SLC68A1: variants seen among roughly 807,000 people sequenced by gnomAD.
The protein encoded by SLC68A1 is solute carrier family 68 member 1, also known as major facilitator superfamily domain containing 13A.
the SLC68A1 span, among the ~76,000 whole-genome samples, chr10:102,469,434 C>CAT: frequency 2.0e-5 from 3 of 152,218 alleles, no homozygotes; most frequent in South Asian, 6.2e-4. Flanking sequence ...TCTGTGTACT[C>CAT]ATATATATAA....
At chr10:102,470,400 C>T in the SLC68A1 span, among the ~76,000 whole-genome samples, 1 of 152,186 alleles carries the variant, frequency 6.6e-6, no homozygotes, top group East Asian at 1.9e-4. Context: ...TCACCCCCAA[C>T]CTTGAGAAGT....
At chr10:102,470,982 C>T in the SLC68A1 span, 2 of 1,613,110 alleles carry the variant, frequency 1.2e-6, no homozygotes, top group Admixed American at 1.7e-5. Flanking sequence ...GAGGATTTCT[C>T]CTCCTTCCGC....
At chr10:102,471,431 G>A in the SLC68A1 span, 4 of 1,598,088 alleles carry the variant, frequency 2.5e-6, no homozygotes, top group South Asian at 1.1e-5. Context: ...TCTACAGCTG[G>A]GCTGGACTTC....
the SLC68A1 span, chr10:102,475,915 C>T: frequency 6.2e-7 from 1 of 1,613,776 alleles, no homozygotes. Flanking sequence ...ATGGGAGACG[C>T]CTGCACATGG....
chr10:102,473,833 C>G, the SLC68A1 span: 1 of 1,611,694 alleles, frequency 6.2e-7, no homozygotes, highest in Non-Finnish European at 8.5e-7. Context: ...CGCGTCTTCA[C>G]TGAGGGCACC....
chr10:102,467,953 G>A, the SLC68A1 span, among the ~76,000 whole-genome samples: 1 of 152,096 alleles, frequency 6.6e-6, no homozygotes, highest in Non-Finnish European at 1.5e-5. Flanking sequence ...CACGGCACCC[G>A]GCTGGGTCTC....
chr10:102,470,602 AG>A, the SLC68A1 span: 1 of 1,563,028 alleles, frequency 6.4e-7, no homozygotes, highest in South Asian at 1.2e-5. Flanking sequence ...GGCCTGGGCA[AG>A]GGGAACTTCA....
chr10:102,476,148 GA>G, the SLC68A1 span: 1 of 1,234,026 alleles, frequency 8.1e-7, no homozygotes. Context: ...TGGGCTCACT[GA>G]AACCACCACC....
At chr10:102,475,462 T>C in the SLC68A1 span, among the ~76,000 whole-genome samples, 13 of 151,656 alleles carry the variant, frequency 8.6e-5, no homozygotes, top group African/African-American at 2.9e-4. Context: ...AGATGAAGGA[T>C]TGGGTGTTGG....
the SLC68A1 span, chr10:102,476,847 C>G: frequency 2.3e-5 from 23 of 985,464 alleles, no homozygotes; most frequent in Non-Finnish European, 2.8e-5. Flanking sequence ...TCCCTTTTGC[C>G]CAGTCAGGGA....
the SLC68A1 span, among the ~76,000 whole-genome samples, chr10:102,472,495 C>T: frequency 2.6e-5 from 4 of 152,176 alleles, no homozygotes; most frequent in African/African-American, 9.7e-5. Flanking sequence ...AACTCCTGGC[C>T]TTAAGTGATC....
the SLC68A1 span, among the ~76,000 whole-genome samples, chr10:102,475,308 A>AAG: frequency 3.3e-5 from 5 of 151,448 alleles, no homozygotes; most frequent in Non-Finnish European, 7.4e-5. Context: ...CAAAAAAAAA[A>AAG]AAGTTCACTC....
chr10:102,471,684 G>A, the SLC68A1 span, among the ~76,000 whole-genome samples: 1 of 151,956 alleles, frequency 6.6e-6, no homozygotes, highest in South Asian at 2.1e-4. Flanking sequence ...ACTTGAACCC[G>A]GAAGGCGGAG....
chr10:102,470,955 A>C, the SLC68A1 span: 1 of 1,613,124 alleles, frequency 6.2e-7, no homozygotes, highest in South Asian at 1.1e-5. Context: ...TTTGCATCCT[A>C]TGCCTTTTGG....
the SLC68A1 span, chr10:102,473,484 G>A: frequency 2.5e-5 from 34 of 1,372,090 alleles, no homozygotes; most frequent in Non-Finnish European, 3.3e-5. Flanking sequence ...CTAGTGTACA[G>A]GAATGCAGTC....
At chr10:102,468,909 A>C in the SLC68A1 span, 1 of 763,792 alleles carries the variant, frequency 1.3e-6, no homozygotes, top group Non-Finnish European at 2.1e-6. Flanking sequence ...GGTTAAGAAC[A>C]GAGCTGGCTC....
the SLC68A1 span, among the ~76,000 whole-genome samples, chr10:102,467,959 G>C: frequency 6.6e-6 from 1 of 152,042 alleles, no homozygotes; most frequent in Non-Finnish European, 1.5e-5. Flanking sequence ...ACCCGGCTGG[G>C]TCTCAGGGTT....
chr10:102,475,282 C>T, the SLC68A1 span, among the ~76,000 whole-genome samples: 1 of 141,930 alleles, frequency 7.0e-6, no homozygotes, highest in Middle Eastern at 3.5e-3. Flanking sequence ...GGTGACAGAG[C>T]GAGACTCCCT....
chr10:102,475,857 T>C, the SLC68A1 span: 1 of 1,614,004 alleles, frequency 6.2e-7, no homozygotes, highest in Non-Finnish European at 8.5e-7. Flanking sequence ...CTGGTGCCCA[T>C]CACCTGTGCT....
Sources: gnomAD v4.1 joint callset for allele counts (sites outside exome capture counted in the v4.1 genomes callset) on GRCh38, gnomAD v4.1.1 for gene constraint, MANE v1.5 for transcripts, NCBI Gene and HGNC (gene_info 2026-07-23, HGNC 2026-07-21) for gene names.